MGAT5: variants seen among roughly 807,000 people sequenced by gnomAD.
The protein encoded by MGAT5 is alpha-1,6-mannosylglycoprotein 6-beta-N-acetylglucosaminyltransferase A.
MGAT5 carries 30 observed loss-of-function variants against 94.3 expected under a neutral mutation model. That is an observed-to-expected ratio of 0.32 (90% CI 0.24 to 0.43). The LOEUF (loss-of-function observed/expected upper bound fraction) is 0.43. Ranked by LOEUF, MGAT5 falls within the 20% of genes least tolerant of loss-of-function variation. The probability of loss-of-function intolerance (pLI) is 1.00; values close to 1 mark genes in which losing one functional copy is unlikely to be tolerated. For missense variants in MGAT5, 691 were observed against 905.5 expected, an observed-to-expected ratio of 0.76 and a Z score of 3.04; for synonymous variants, 310 against 322.9, an observed-to-expected ratio of 0.96 and a Z score of 0.43.
intron 2 of MGAT5, among the ~76,000 whole-genome samples, chr2:134,282,025 A>C (rs1684728324): frequency 6.6e-6 from 1 of 152,226 alleles, no homozygotes; most frequent in Non-Finnish European, 1.5e-5. Flanking sequence ...TGGTTCACAG[A>C]ATCCTAACTC....
At chr2:134,318,997 G>T (rs1454892255) in intron 4 of MGAT5, among the ~76,000 whole-genome samples, 1 of 151,988 alleles carries the variant, frequency 6.6e-6, no homozygotes, top group African/African-American at 2.4e-5. Context: ...CGTGAGATTT[G>T]CCATCTTAAC....
At chr2:134,341,300 C>T (rs1688618452) in intron 6 of MGAT5, among the ~76,000 whole-genome samples, 1 of 152,106 alleles carries the variant, frequency 6.6e-6, no homozygotes. Flanking sequence ...CCTGTCTTAC[C>T]TTCCTTTAAT....
chr2:134,200,400 G>A (rs972040427), intron 1 of MGAT5, among the ~76,000 whole-genome samples: 1 of 152,202 alleles, frequency 6.6e-6, no homozygotes, highest in African/African-American at 2.4e-5. Flanking sequence ...CTGCAGTGAT[G>A]CTGCCTTCAC....
intron 1 of MGAT5, among the ~76,000 whole-genome samples, chr2:134,200,159 TC>T (rs1247619299): frequency 1.0e-4 from 2 of 19,324 alleles, no homozygotes; most frequent in Non-Finnish European, 2.0e-4. Flanking sequence ...ATCCCCCCAT[TC>T]CCCCCCTGCC....
chr2:134,443,197 T>C (rs1307855941), intron 15 of MGAT5, among the ~76,000 whole-genome samples: 1 of 151,782 alleles, frequency 6.6e-6, no homozygotes, highest in Non-Finnish European at 1.5e-5. Flanking sequence ...GTTGTTGTTG[T>C]TGTTGTTTTT....
intron 2 of MGAT5, among the ~76,000 whole-genome samples, chr2:134,304,055 G>A (rs1686186306): frequency 6.6e-6 from 1 of 152,126 alleles, no homozygotes; most frequent in African/African-American, 2.4e-5. Flanking sequence ...CTCTGCTATT[G>A]CCAATGCATA....
At chr2:134,321,460 C>T (rs1432727603) in intron 4 of MGAT5, among the ~76,000 whole-genome samples, 1 of 152,080 alleles carries the variant, frequency 6.6e-6, no homozygotes, top group Non-Finnish European at 1.5e-5. Flanking sequence ...GACTTCTTTC[C>T]CTCCCTTTGT....
At chr2:134,203,183 A>G (rs1204545684) in intron 1 of MGAT5, among the ~76,000 whole-genome samples, 1 of 152,222 alleles carries the variant, frequency 6.6e-6, no homozygotes, top group Admixed American at 6.5e-5. Context: ...TGTTAAAACT[A>G]TGCAAAAATT....
At chr2:134,242,030 G>A (rs1682001237) in intron 1 of MGAT5, among the ~76,000 whole-genome samples, 1 of 152,184 alleles carries the variant, frequency 6.6e-6, no homozygotes, top group Non-Finnish European at 1.5e-5. Context: ...GGGACCTAAT[G>A]AGCATGCTTA....
chr2:134,240,948 T>C (rs574290874), intron 1 of MGAT5, among the ~76,000 whole-genome samples: 3 of 152,376 alleles, frequency 2.0e-5, no homozygotes, highest in East Asian at 3.9e-4. Flanking sequence ...TTCAAGGTAT[T>C]GGAGATGGCA....
In MGAT5 at chr2:134,402,977, T is replaced by G. The variant is rs1683139183; in HGVS notation, c.1381-11T>G. The stretch of plus-strand genomic sequence containing the variant: ...AAAAGAGAAATGTCTTGTGCTTGTT[T>G]TCTTCTTTAGAATAAGAAGATCTAC... On this transcript the variant is annotated splice_polypyrimidine_tract_variant and intron_variant, in intron 10 of 15. Transcript: ENST00000281923. 6.3e-7 allele frequency: 1 copy of G among 1,580,376 alleles called. No homozygotes were observed. The highest frequency in any genetic ancestry group is 8.6e-7 in the Non-Finnish European group (1 of 1,167,606).
At chr2:134,326,812 G>A (rs1687672895) in intron 4 of MGAT5, among the ~76,000 whole-genome samples, 1 of 152,102 alleles carries the variant, frequency 6.6e-6, no homozygotes, top group Non-Finnish European at 1.5e-5. Flanking sequence ...AGAGTGGTCA[G>A]GATAGGCCCT....
intron 1 of MGAT5, among the ~76,000 whole-genome samples, chr2:134,167,005 C>T (rs1687991443): frequency 6.6e-6 from 1 of 152,122 alleles, no homozygotes; most frequent in Admixed American, 6.5e-5. Context: ...TCTGTGTTTC[C>T]TTGTTATGAC....
chr2:134,324,338 A>G (rs552812360), intron 4 of MGAT5, among the ~76,000 whole-genome samples: 1 of 152,268 alleles, frequency 6.6e-6, no homozygotes, highest in South Asian at 2.1e-4. Context: ...CTCTTTCACA[A>G]AGGAGCAAAA....
chr2:134,381,315 T>G (rs549825864), intron 10 of MGAT5, among the ~76,000 whole-genome samples: 1 of 115,050 alleles, frequency 8.7e-6, no homozygotes, highest in Non-Finnish European at 1.9e-5. Flanking sequence ...CTGGGCAGCA[T>G]AGCAAGACCT....
At chr2:134,284,765 G>T (rs1017273472) in intron 2 of MGAT5, among the ~76,000 whole-genome samples, 6 of 152,132 alleles carry the variant, frequency 3.9e-5, no homozygotes, top group African/African-American at 1.4e-4. Flanking sequence ...TCTGAGCCAG[G>T]GTTCAGATCC....
intron 1 of MGAT5, among the ~76,000 whole-genome samples, chr2:134,234,378 A>T (rs955306776): frequency 6.6e-6 from 1 of 152,240 alleles, no homozygotes; most frequent in African/African-American, 2.4e-5. Flanking sequence ...AAAGATTTGA[A>T]TCTCTTCCTT....
At chr2:134,283,645 CTTTTTTTTTTTTTTT>C (rs35922830) in intron 2 of MGAT5, among the ~76,000 whole-genome samples, 5 of 69,088 alleles carry the variant, frequency 7.2e-5, no homozygotes, top group African/African-American at 3.5e-4. Flanking sequence ...AATGTAGTAT[CTTTTTTTTTTTTTTT>C]TTTTTTTTTT....
At chr2:134,209,377 C>A (rs1680205242) in intron 1 of MGAT5, among the ~76,000 whole-genome samples, 1 of 26,812 alleles carries the variant, frequency 3.7e-5, no homozygotes, top group Non-Finnish European at 5.2e-5. Context: ...GTGTGATATT[C>A]CCCTTCCTGT....
Sources: allele counts gnomAD v4.1 joint callset (sites outside exome capture counted in the v4.1 genomes callset), GRCh38; gene constraint gnomAD v4.1.1; transcripts MANE v1.5; gene names NCBI Gene and HGNC (gene_info 2026-07-23, HGNC 2026-07-21).